Variants in TPGS2 observed in about 807,000 individuals in gnomAD.
TPGS2 encodes the protein polyglutamylase subunit 2.
A neutral mutation model predicts 31.1 loss-of-function variants in TPGS2; 26 were observed. The ratio of observed to expected loss-of-function variants is 0.84; its 90% CI spans 0.61 to 1.16. The LOEUF (loss-of-function observed/expected upper bound fraction) is 1.16, where lower values mean the gene tolerates loss of function less well. Ranked by LOEUF, TPGS2 falls within the 50% of genes most tolerant of loss-of-function variation. TPGS2 has a pLI of 0.00. For synonymous variants in TPGS2, 130 were observed against 136.6 expected, an observed-to-expected ratio of 0.95 and a Z score of 0.34; for missense variants, 351 against 363.8, an observed-to-expected ratio of 0.96 and a Z score of 0.29.
chr18:36,805,426 A>C lies in TPGS2; in HGVS notation c.330T>G (p.Tyr110Ter). Residue 110 changes from tyrosine (Y) to a stop codon, truncating the protein, a stop_gained, in exon 4 of 7, where the codon TAT becomes TAG. Transcript: ENST00000334295. LOFTEE classifies it high-confidence loss of function. ...KLTQLTQSSMYSLPNAPTLAD... is the reference protein window; with the variant it reads ...KLTQLTQSSM ...CCAGAGTGGGTGCATTAGGAAGTGA[A>C]TACATGGAAGACTGGGTGAGCTGAG... is the stretch of plus-strand genomic sequence containing the variant. 1.9e-6 allele frequency: 3 copies of C among 1,614,050 alleles called. No individual in the cohort carries two copies. Among genetic ancestry groups the C allele is most frequent in the Non-Finnish European group, 2.5e-6 (3 of 1,179,916 alleles).
rs2046327515 is a variant in TPGS2, at chr18:36,828,789, C to G, written c.-22G>C. On this transcript the variant is annotated 5_prime_UTR_variant, in exon 1 of 7. Transcript: ENST00000334295. ...CCATGGCTCGCGACCGCGATTCGCG[C>G]GCGGCGGGAGCGGGTGGAGGGCCGG... 1 of 1,611,226 alleles carries G rather than the reference C, an allele frequency of 6.2e-7. No individual in the cohort carries two copies. Among genetic ancestry groups the G allele is most frequent in the Admixed American group, 1.7e-5 (1 of 59,906 alleles).
downstream of TPGS2, chr18:36,789,859 A>C (rs946218701): frequency 6.6e-6 from 1 of 152,346 alleles, no homozygotes; most frequent in Non-Finnish European, 1.5e-5. Context: ...GCCTGCCACC[A>C]TGTAAGATGT....
chr18:36,794,712 T>A lies in TPGS2; in HGVS notation c.*2093A>T, dbSNP rs1443110560. The A allele has an allele frequency of 2.0e-6, 2 of 985,238 alleles. No individual in the cohort carries two copies. Among genetic ancestry groups the A allele is most frequent in the East Asian group, 1.1e-4 (1 of 8,824 alleles). The allele number at this position is 985,238 out of a possible 1,614,324, so 61.0% of individuals were successfully genotyped here. A position where few individuals can be genotyped will look rare whatever the true frequency, so the allele number is the denominator to read the frequency against. Reference sequence around the variant, plus strand: ...TCCTCAACAACTTGGTCTCTCTATATCCTTTTCTGCCACTCCATGAATTGT... The same window carrying A: ...TCCTCAACAACTTGGTCTCTCTATAACCTTTTCTGCCACTCCATGAATTGT... On this transcript the variant is annotated 3_prime_UTR_variant, in exon 7 of 7. Transcript: ENST00000334295.
At position 36,795,244 on chromosome 18, in the gene TPGS2, C is replaced by T; in HGVS notation, c.*1561G>A. Reference sequence around the variant, plus strand: ...CATGTGGAGAATCCTGTGGACTGCTCTTAGTTCCCCAGTGGGTTTGGAAGA... The same window carrying T: ...CATGTGGAGAATCCTGTGGACTGCTTTTAGTTCCCCAGTGGGTTTGGAAGA... On this transcript the variant is annotated 3_prime_UTR_variant, in exon 7 of 7. Transcript: ENST00000334295. The T allele has an allele frequency of 1.0e-6, 1 of 985,394 alleles. No homozygotes were observed. The highest frequency in any genetic ancestry group is 4.7e-5 in the South Asian group (1 of 21,288). The allele number at this position is 985,394 out of a possible 1,614,324, so 61.0% of individuals were successfully genotyped here.
chr18:36,798,190 T>C, intron 6 of TPGS2: 1 of 1,314,006 alleles, frequency 7.6e-7, no homozygotes, highest in Non-Finnish European at 9.7e-7. Context: ...GGACATAAAC[T>C]ATCCAACAGA....
At chr18:36,803,624 C>G (rs1403943204) in intron 4 of TPGS2, among the ~76,000 whole-genome samples, 1 of 151,966 alleles carries the variant, frequency 6.6e-6, no homozygotes, top group Non-Finnish European at 1.5e-5. Context: ...ATCTATTTTC[C>G]ACTTCTCTTA....
intron 4 of TPGS2, among the ~76,000 whole-genome samples, chr18:36,801,075 C>T (rs1048264006): frequency 9.2e-5 from 14 of 152,290 alleles, no homozygotes; most frequent in South Asian, 2.1e-4. Flanking sequence ...GTGGGAGTGA[C>T]GTACCCTCAT....
chr18:36,794,387 T>C lies in TPGS2; in HGVS notation c.*2418A>G. On this transcript the variant is annotated 3_prime_UTR_variant, in exon 7 of 7. Coordinates refer to ENST00000334295, the MANE Select transcript of TPGS2 (RefSeq NM_015476.4). ...TAACCCCCTTCCTTTGATAGCCTTT[T>C]GAGAACTCCCACTTGATTGCCACAG... 1.0e-6 allele frequency: 1 copy of C among 985,530 alleles called. No homozygotes were observed. Among genetic ancestry groups the C allele is most frequent in the Non-Finnish European group, 1.2e-6 (1 of 829,974 alleles). 61.0% of individuals were successfully genotyped at this position (985,530 alleles called of 1,614,324 possible).
At chr18:36,780,882 G>A (rs2043993522), downstream of TPGS2, among the ~76,000 whole-genome samples, 1 of 152,104 alleles carries the variant, frequency 6.6e-6, no homozygotes, top group Non-Finnish European at 1.5e-5. Flanking sequence ...TGAAGGCCTG[G>A]GACATTACTG....
chr18:36,781,913 G>C, downstream of TPGS2: 1 of 985,306 alleles, frequency 1.0e-6, no homozygotes, highest in Non-Finnish European at 1.2e-6. Context: ...AGACGGTTGT[G>C]TTTAATCACC....
At chr18:36,823,985 G>C (rs951392982) in intron 1 of TPGS2, 36 of 521,284 alleles carry the variant, frequency 6.9e-5, no homozygotes, top group Admixed American at 1.9e-4. Context: ...TTTATATTCA[G>C]AGTTATGCAT....
At chr18:36,813,665 A>T (rs113283806) in intron 2 of TPGS2, among the ~76,000 whole-genome samples, 4 of 152,374 alleles carry the variant, frequency 2.6e-5, no homozygotes, top group African/African-American at 9.6e-5. Context: ...AACATTTCCC[A>T]ACCCCTGGTG....
chr18:36,808,313 T>C (rs1453225778), intron 2 of TPGS2, among the ~76,000 whole-genome samples: 1 of 152,164 alleles, frequency 6.6e-6, no homozygotes, highest in Non-Finnish European at 1.5e-5. Context: ...ATCAGACCCA[T>C]GGTCATATAT....
chr18:36,819,730 C>A (rs182431588), intron 1 of TPGS2, among the ~76,000 whole-genome samples: 104 of 152,310 alleles, frequency 6.8e-4, no homozygotes, highest in Non-Finnish European at 1.3e-3. Flanking sequence ...GCTGTTATGA[C>A]TTGAATTCTG....
At chr18:36,805,569 T>C in intron 3 of TPGS2, 67 bp from the exon 4 acceptor site, 1 of 1,599,392 alleles carries the variant, frequency 6.3e-7, no homozygotes. Context: ...TATCATGAGA[T>C]TCTGCTTGAA....
At chr18:36,784,638 AATATT>A (rs2044089045) in intron 6 of TPGS2, among the ~76,000 whole-genome samples, 1 of 152,220 alleles carries the variant, frequency 6.6e-6, no homozygotes, top group African/African-American at 2.4e-5. Flanking sequence ...AAATAGCTAA[AATATT>A]ATTTATTGAA....
At position 36,828,907 on chromosome 18, in the gene TPGS2, G is replaced by C; in HGVS notation, c.-140C>G. On this transcript the variant is annotated 5_prime_UTR_variant, in exon 1 of 7. Coordinates refer to ENST00000334295, the MANE Select transcript of TPGS2 (RefSeq NM_015476.4). ...GCGGCGCAGTGATGATGGGGGCCCGGGGTTGGTCTGACAGCAGCAGCTCCG... is the reference window on the plus strand; with the variant it reads ...GCGGCGCAGTGATGATGGGGGCCCGCGGTTGGTCTGACAGCAGCAGCTCCG... 9.0e-7 allele frequency: 1 copy of C among 1,105,778 alleles called. No homozygotes were observed. The highest frequency in any genetic ancestry group is 1.3e-6 in the Non-Finnish European group (1 of 788,246). The allele number at this position is 1,105,778 out of a possible 1,614,324, so 68.5% of individuals were successfully genotyped here. A position where few individuals can be genotyped will look rare whatever the true frequency, so the allele number is the denominator to read the frequency against.
downstream of TPGS2, chr18:36,789,662 T>TA (rs2044241306): frequency 6.6e-6 from 1 of 152,212 alleles, no homozygotes; most frequent in Admixed American, 6.5e-5. Flanking sequence ...GCTGTGTCCC[T>TA]ACCCAAATCT....
At chr18:36,803,287 C>T (rs1043782553) in intron 4 of TPGS2, among the ~76,000 whole-genome samples, 5 of 152,176 alleles carry the variant, frequency 3.3e-5, no homozygotes, top group Non-Finnish European at 7.4e-5. Context: ...CCAGCCTCCC[C>T]ACCCCAAGCC....
Sources: allele counts gnomAD v4.1 joint callset (sites outside exome capture counted in the v4.1 genomes callset), GRCh38; gene constraint gnomAD v4.1.1; transcripts MANE v1.5; gene names NCBI Gene and HGNC (gene_info 2026-07-23, HGNC 2026-07-21).